ITGB6: variants seen among roughly 807,000 people sequenced by gnomAD.
The protein encoded by ITGB6 is integrin beta-6.
Under a neutral mutation model 84.5 loss-of-function variants are expected in ITGB6, and 80 were observed. That is an observed-to-expected ratio of 0.95 (90% CI 0.79 to 1.14). ITGB6 has a LOEUF of 1.14. Ranked by LOEUF, ITGB6 falls within the 50% of genes most tolerant of loss-of-function variation. The pLI is 0.00. For synonymous variants in ITGB6, 383 were observed against 354.9 expected (o/e 1.08, Z -0.89); for missense variants, 1,006 against 968.0 (o/e 1.04, Z -0.52).
intron 7 of ITGB6, among the ~76,000 whole-genome samples, chr2:160,155,152 C>T (rs1684576087): frequency 6.6e-6 from 1 of 152,206 alleles, no homozygotes; most frequent in South Asian, 2.1e-4. Context: ...GTCAATTAAA[C>T]CTCTTTTCTT....
intron 7 of ITGB6, among the ~76,000 whole-genome samples, chr2:160,166,278 A>G (rs1051585195): frequency 2.6e-5 from 4 of 152,316 alleles, no homozygotes; most frequent in South Asian, 4.1e-4. Flanking sequence ...TTTACTTTCC[A>G]ATTGCTGTGT....
intron 13 of ITGB6, 69 bp from the exon 14 acceptor site, chr2:160,107,914 G>C (rs1301030647): frequency 4.5e-6 from 6 of 1,342,246 alleles, no homozygotes; most frequent in Non-Finnish European, 5.1e-6. Flanking sequence ...GGCATTTCTT[G>C]TTGGATTTTC....
intron 6 of ITGB6, among the ~76,000 whole-genome samples, chr2:160,171,889 A>T (rs1173812424): frequency 6.6e-6 from 1 of 152,168 alleles, no homozygotes; most frequent in Admixed American, 6.5e-5. Flanking sequence ...TTTCAAGGAT[A>T]ATGAAGAGTT....
chr2:160,176,947 A>T (rs897886022), intron 4 of ITGB6, among the ~76,000 whole-genome samples: 1 of 152,260 alleles, frequency 6.6e-6, no homozygotes, highest in Admixed American at 6.5e-5. Flanking sequence ...CTACATACAT[A>T]TGTACAAACT....
chr2:160,103,406 A>G (rs1039370346), intron 14 of ITGB6, among the ~76,000 whole-genome samples: 2 of 152,180 alleles, frequency 1.3e-5, no homozygotes, highest in African/African-American at 2.4e-5. Context: ...TTAAAGAGAT[A>G]TGCTATTTCT....
At position 160,152,441 on chromosome 2, in the gene ITGB6, C is replaced by T. The variant is rs186647460; in HGVS notation, c.1018-10370G>A. On this transcript the variant is annotated intron_variant, in intron 7 of 14. Coordinates refer to ENST00000283249, the MANE Select transcript of ITGB6 (RefSeq NM_000888.5). ...CTCAATAAACTAGGTATTGATGGAA[C>T]GTATCTCAAAATAATAAGAGCTATT... is the stretch of plus-strand genomic sequence containing the variant. Among the ~76,000 whole-genome samples the T allele has an allele frequency of 8.8e-3, 1,335 of 152,242 alleles. 27 individuals are homozygous for T. The highest frequency in any genetic ancestry group is 0.031 in the African/African-American group (1,284 of 41,526).
At position 160,137,735 on chromosome 2, in the gene ITGB6, G is replaced by T. The variant is rs1159163609; in HGVS notation, c.1359C>A (p.Asn453Lys). 1.2e-6 allele frequency: 2 copies of T among 1,614,210 alleles called. No homozygotes were observed. The highest frequency in any genetic ancestry group is 1.1e-5 in the South Asian group (1 of 91,082). The change falls in exon 10 of 15, where the codon AAC becomes AAA. Residue 453 changes from asparagine to lysine, a missense_variant. Coordinates refer to ENST00000283249, the MANE Select transcript of ITGB6 (RefSeq NM_000888.5). ...CTTCCACTTCTTTCTGACAGTCGCA[G>T]TTGCATTCTGGGCTGACAAGTAATT... ...ALELLVSPECNCDCQKEVEVN... is the reference protein window; with the variant it reads ...ALELLVSPECKCDCQKEVEVN...
At chr2:160,111,635 A>C (rs1211312211) in intron 13 of ITGB6, among the ~76,000 whole-genome samples, 4 of 137,686 alleles carry the variant, frequency 2.9e-5, no homozygotes, top group Non-Finnish European at 3.0e-5. Flanking sequence ...CACTCTGTGC[A>C]GTGGCGCGAT....
rs1175347070 is a variant in ITGB6, at chr2:160,196,358, T to C, written c.204A>G (p.Lys68=). Residue 68 remains lysine, a synonymous_variant, in exon 3 of 15, where the codon AAA becomes AAG. Transcript: ENST00000283249. The part of the protein sequence containing the change: ...RCDTPANLLA[K]GCQLNFIENP... The stretch of plus-strand genomic sequence containing the variant: ...TTTCGATGAAGTTTAATTGACATCC[T>C]TTAGCTAAAAGGTTTGCTGGGGTAT... 6.2e-7 allele frequency: 1 copy of C among 1,614,060 alleles called. No homozygotes were observed. The highest frequency in any genetic ancestry group is 1.1e-5 in the South Asian group (1 of 91,072).
intron 6 of ITGB6, among the ~76,000 whole-genome samples, chr2:160,171,302 C>T (rs1269112731): frequency 6.6e-6 from 1 of 151,612 alleles, no homozygotes; most frequent in East Asian, 1.9e-4. Flanking sequence ...ATGACAATCT[C>T]AGACTGCTGC....
At chr2:160,181,937 A>G (rs1685695283) in intron 4 of ITGB6, among the ~76,000 whole-genome samples, 1 of 152,248 alleles carries the variant, frequency 6.6e-6, no homozygotes, top group African/African-American at 2.4e-5. Flanking sequence ...AGAAAGGAAT[A>G]GCATCAATAT....
chr2:160,101,350 G>A lies in ITGB6; in HGVS notation c.*386C>T, dbSNP rs1020904995. 1.4e-5 allele frequency: 3 copies of A among 210,958 alleles called. No homozygotes were observed. The highest frequency in any genetic ancestry group is 7.2e-5 in the African/African-American group (3 of 41,780). 13.1% of individuals were successfully genotyped at this position (210,958 alleles called of 1,614,324 possible). A position where few individuals can be genotyped will look rare whatever the true frequency, so the allele number is the denominator to read the frequency against. Reference sequence around the variant, plus strand: ...TAATTGGCAAGTATAGACACACAATGTGAGTATATGGGCTTTGTGACTTTG... The same window carrying A: ...TAATTGGCAAGTATAGACACACAATATGAGTATATGGGCTTTGTGACTTTG... On this transcript the variant is annotated 3_prime_UTR_variant, in exon 15 of 15. Coordinates refer to ENST00000283249, the MANE Select transcript of ITGB6 (RefSeq NM_000888.5).
At chr2:160,171,284 G>A (rs1212177913) in intron 6 of ITGB6, among the ~76,000 whole-genome samples, 1 of 151,902 alleles carries the variant, frequency 6.6e-6, no homozygotes, top group Non-Finnish European at 1.5e-5. Context: ...GTGTTAAATG[G>A]GGAAAATATG....
At chr2:160,163,237 G>A (rs1294581690) in intron 7 of ITGB6, among the ~76,000 whole-genome samples, 2 of 152,180 alleles carry the variant, frequency 1.3e-5, no homozygotes, top group Non-Finnish European at 2.9e-5. Flanking sequence ...CCTAGATGAA[G>A]TATTTCCTGA....
chr2:160,130,223 G>A (rs1036610299), intron 10 of ITGB6, among the ~76,000 whole-genome samples: 3 of 152,014 alleles, frequency 2.0e-5, no homozygotes, highest in African/African-American at 4.8e-5. Context: ...TAAAAATACA[G>A]TATTATAAAA....
chr2:160,182,852 A>C (rs577423200), intron 4 of ITGB6, among the ~76,000 whole-genome samples: 3 of 152,334 alleles, frequency 2.0e-5, no homozygotes, highest in East Asian at 3.9e-4. Flanking sequence ...ATTCTTAAAG[A>C]AAAGAATTTT....
intron 8 of ITGB6, among the ~76,000 whole-genome samples, 164 bp downstream of exon 8, chr2:160,141,818 G>A (rs1301796947): frequency 1.3e-5 from 2 of 152,162 alleles, no homozygotes; most frequent in Non-Finnish European, 1.5e-5. Flanking sequence ...AGATCAGCAA[G>A]CAAAATGAAC....
chr2:160,111,810 C>A (rs1268611025), intron 13 of ITGB6, among the ~76,000 whole-genome samples: 2 of 152,008 alleles, frequency 1.3e-5, no homozygotes, highest in Non-Finnish European at 2.9e-5. Flanking sequence ...CAACTCCTGA[C>A]CTCAAGTGAC....
intron 14 of ITGB6, among the ~76,000 whole-genome samples, chr2:160,104,181 A>G (rs1463954434): frequency 1.3e-5 from 2 of 152,218 alleles, no homozygotes; most frequent in African/African-American, 4.8e-5. Context: ...TCACTAGAGT[A>G]AGAGGGTAAG....
Sources: allele counts gnomAD v4.1 joint callset (sites outside exome capture counted in the v4.1 genomes callset), GRCh38; gene constraint gnomAD v4.1.1; transcripts MANE v1.5; gene names NCBI Gene and HGNC (gene_info 2026-07-23, HGNC 2026-07-21).